Variants in PINX1 observed in about 807,000 individuals in gnomAD.
PINX1 encodes the protein PIN2/TERF1-interacting telomerase inhibitor 1.
PINX1 carries 34 observed loss-of-function variants against 25.4 expected under a neutral mutation model. The ratio of observed to expected loss-of-function variants is 1.34; its 90% CI spans 1.02 to 1.78. The LOEUF is 1.78. Among genes scored for constraint, PINX1 ranks in the 40% most tolerant of loss-of-function variants. The pLI is 0.00. For missense variants in PINX1, 592 were observed against 404.9 expected (o/e 1.46, Z -3.97); for synonymous variants, 197 against 147.7 (o/e 1.33, Z -2.42).
intron 6 of PINX1, among the ~76,000 whole-genome samples, chr8:10,773,352 GGCT>G (rs1801289989): frequency 6.6e-6 from 1 of 152,220 alleles, no homozygotes; most frequent in Non-Finnish European, 1.5e-5. Flanking sequence ...GCAGCAGAGA[GGCT>G]GCTAACTGCT....
intron 5 of PINX1, among the ~76,000 whole-genome samples, chr8:10,823,796 C>G (rs1046179119): frequency 6.6e-6 from 1 of 152,120 alleles, no homozygotes. Context: ...CCTCTGTGCT[C>G]CAGCCTGGGC....
intron 1 of PINX1, among the ~76,000 whole-genome samples, chr8:10,839,523 C>A (rs72556538): frequency 6.6e-6 from 1 of 152,208 alleles, no homozygotes; most frequent in Non-Finnish European, 1.5e-5. Context: ...CTCCGGGAGA[C>A]ACTTGCGGTC....
intron 6 of PINX1, among the ~76,000 whole-genome samples, chr8:10,769,743 C>A (rs1245233753): frequency 6.6e-6 from 1 of 152,224 alleles, no homozygotes; most frequent in Non-Finnish European, 1.5e-5. Flanking sequence ...AGCTGGAACA[C>A]AGCAGGAGAG....
intron 6 of PINX1, among the ~76,000 whole-genome samples, chr8:10,786,940 G>T (rs1004086501): frequency 6.6e-6 from 1 of 152,070 alleles, no homozygotes; most frequent in Non-Finnish European, 1.5e-5. Context: ...ACATTTTTAA[G>T]ACTCCCAAGT....
chr8:10,795,968 A>G (rs1317286762), intron 6 of PINX1, among the ~76,000 whole-genome samples: 1 of 152,148 alleles, frequency 6.6e-6, no homozygotes, highest in African/African-American at 2.4e-5. Flanking sequence ...TTAGTTGCCT[A>G]AAGGTGGTTT....
intron 5 of PINX1, 142 bp from the exon 6 acceptor site, chr8:10,820,411 T>C: frequency 1.5e-6 from 1 of 687,398 alleles, no homozygotes. Flanking sequence ...TTCTACCCAC[T>C]TTTTCATTAC....
intron 6 of PINX1, among the ~76,000 whole-genome samples, chr8:10,786,584 C>A (rs146194341): frequency 2.6e-5 from 4 of 152,302 alleles, no homozygotes; most frequent in Admixed American, 2.0e-4. Context: ...GAAGGGCTCA[C>A]CCCACAGGGT....
At chr8:10,790,128 T>C (rs1801877400) in intron 6 of PINX1, among the ~76,000 whole-genome samples, 1 of 152,036 alleles carries the variant, frequency 6.6e-6, no homozygotes, top group African/African-American at 2.4e-5. Context: ...TCCTCATCCC[T>C]TTCCCTTCCA....
chr8:10,777,067 A>G (rs1296849830), intron 6 of PINX1, among the ~76,000 whole-genome samples: 1 of 152,232 alleles, frequency 6.6e-6, no homozygotes, highest in African/African-American at 2.4e-5. Flanking sequence ...ATCTGTCAAC[A>G]AACAAAAAGC....
chr8:10,796,253 G>A (rs1175868927), intron 6 of PINX1, among the ~76,000 whole-genome samples: 3 of 152,202 alleles, frequency 2.0e-5, no homozygotes, highest in African/African-American at 7.2e-5. Flanking sequence ...CAGCTTGGGG[G>A]AAAAGAACTT....
intron 6 of PINX1, among the ~76,000 whole-genome samples, chr8:10,774,467 G>C (rs1453687464): frequency 6.6e-6 from 1 of 152,064 alleles, no homozygotes. Flanking sequence ...TTTTAGTAGA[G>C]ACAGGGTTTC....
chr8:10,765,087 C>G lies in PINX1; in HGVS notation c.*314G>C, dbSNP rs572599058. 3.3e-6 allele frequency: 1 copy of G among 301,934 alleles called. No homozygotes were observed. The highest frequency in any genetic ancestry group is 2.2e-5 in the African/African-American group (1 of 46,372). 18.7% of individuals were successfully genotyped at this position (301,934 alleles called of 1,614,324 possible). A position where few individuals can be genotyped will look rare whatever the true frequency, so the allele number is the denominator to read the frequency against. ...ACACACACACAGATGCGCACATGCACACACACGTGTGCACACTTACATGAA... is the reference window on the plus strand; with the variant it reads ...ACACACACACAGATGCGCACATGCAGACACACGTGTGCACACTTACATGAA... On this transcript the variant is annotated 3_prime_UTR_variant, in exon 7 of 7. Transcript: ENST00000314787.
intron 6 of PINX1, among the ~76,000 whole-genome samples, chr8:10,768,517 G>A (rs970006764): frequency 1.3e-5 from 2 of 152,174 alleles, no homozygotes; most frequent in African/African-American, 4.8e-5. Flanking sequence ...AATAGGCACG[G>A]GTCACTGCAC....
intron 6 of PINX1, among the ~76,000 whole-genome samples, chr8:10,811,117 G>A (rs1429943274): frequency 6.6e-6 from 1 of 152,248 alleles, no homozygotes; most frequent in Admixed American, 6.5e-5. Context: ...TTCGCTAAGA[G>A]TTCTTCATGG....
rs1306383122 is a variant in PINX1, at chr8:10,820,238, A to T, written c.426T>A (p.Asp142Glu). 2 of 1,613,046 alleles carry T rather than the reference A, an allele frequency of 1.2e-6. No individual in the cohort carries two copies. The stretch of plus-strand genomic sequence containing the variant: ...GTCTTTTCCCAAAAATGCAGTCAAG[A>T]TCTGTTTTGCTCCGAGATGACAGAT... Reference protein sequence around the residue: ...GKDLSSRSKTDLDCIFGKRQS... With the variant: ...GKDLSSRSKTELDCIFGKRQS... Residue 142 changes from aspartate to glutamate, a missense_variant, in exon 6 of 7, where the codon GAT (aspartate) becomes GAA (glutamate). Coordinates refer to ENST00000314787, the MANE Select transcript of PINX1 (RefSeq NM_017884.6).
chr8:10,783,123 T>G (rs751139532), intron 6 of PINX1, among the ~76,000 whole-genome samples: 1 of 152,224 alleles, frequency 6.6e-6, no homozygotes, highest in Non-Finnish European at 1.5e-5. Context: ...ATTTGAATCT[T>G]AATTCCATGA....
At chr8:10,821,060 C>T (rs996395722) in intron 5 of PINX1, among the ~76,000 whole-genome samples, 1 of 152,206 alleles carries the variant, frequency 6.6e-6, no homozygotes, top group African/African-American at 2.4e-5. Flanking sequence ...AAATCTAGTC[C>T]CATTTGTCAA....
chr8:10,803,977 A>C (rs1313437865), intron 6 of PINX1, among the ~76,000 whole-genome samples: 1 of 151,766 alleles, frequency 6.6e-6, no homozygotes, highest in African/African-American at 2.4e-5. Context: ...AAAGAAGTTC[A>C]AATTAGCTAT....
rs144007845 is a variant in PINX1 at position 10,835,999 on chromosome 8, C to T, written c.20-1224G>A. 2.2e-3 allele frequency among the ~76,000 whole-genome samples: 329 copies of T among 152,098 alleles called. 1 individual carries two copies. Among genetic ancestry groups the T allele is most frequent in the Non-Finnish European group, 3.0e-3 (203 of 68,006 alleles). ...TGTCAAACTGAAAAGTAGACTGTGGCGAAATGAGAAATTTGGAGGTGTCAT... is the reference window on the plus strand; with the variant it reads ...TGTCAAACTGAAAAGTAGACTGTGGTGAAATGAGAAATTTGGAGGTGTCAT... On this transcript the variant is annotated intron_variant, in intron 1 of 6. Coordinates refer to ENST00000314787, the MANE Select transcript of PINX1 (RefSeq NM_017884.6).
Sources: allele counts gnomAD v4.1 joint callset (sites outside exome capture counted in the v4.1 genomes callset), GRCh38; gene constraint gnomAD v4.1.1; transcripts MANE v1.5; gene names NCBI Gene and HGNC (gene_info 2026-07-23, HGNC 2026-07-21).